Variants in ST3GAL1 observed in about 807,000 individuals in gnomAD.
The protein encoded by ST3GAL1 is ST3 beta-galactoside alpha-2,3-sialyltransferase 1, also known as CMP-N-acetylneuraminate-beta-galactosamide-alpha-2,3-sialyltransferase 1.
Under a neutral mutation model 34.1 loss-of-function variants are expected in ST3GAL1, and 16 were observed. The ratio of observed to expected loss-of-function variants is 0.47; its 90% CI spans 0.32 to 0.71. The LOEUF (loss-of-function observed/expected upper bound fraction) is 0.71, where lower values mean the gene tolerates loss of function less well. Among genes scored for constraint, ST3GAL1 ranks in the 30% least tolerant of loss-of-function variants. The pLI is 0.04. For missense variants in ST3GAL1, 353 were observed against 447.4 expected (o/e 0.79, Z 1.90); for synonymous variants, 191 against 184.7 (o/e 1.03, Z -0.28).
intron 3 of ST3GAL1, among the ~76,000 whole-genome samples, chr8:133,493,072 G>A (rs957487398): frequency 6.6e-6 from 1 of 152,188 alleles, no homozygotes; most frequent in Non-Finnish European, 1.5e-5. Context: ...CCACCAGGTA[G>A]GCATCCAACA....
chr8:133,506,802 A>G (rs1484128444), intron 2 of ST3GAL1, among the ~76,000 whole-genome samples: 2 of 151,284 alleles, frequency 1.3e-5, no homozygotes, highest in Admixed American at 1.3e-4. Context: ...AAGAAAAAAA[A>G]AGCTGGGCTG....
At chr8:133,462,323 C>G (rs1056923746) in intron 8 of ST3GAL1, among the ~76,000 whole-genome samples, 3 of 152,130 alleles carry the variant, frequency 2.0e-5, no homozygotes, top group Non-Finnish European at 4.4e-5. Flanking sequence ...GAGAAGGGGG[C>G]TCCAGGGAAC....
intron 5 of ST3GAL1, among the ~76,000 whole-genome samples, chr8:133,470,190 C>T (rs929858555): frequency 6.6e-6 from 1 of 152,164 alleles, no homozygotes; most frequent in Non-Finnish European, 1.5e-5. Context: ...GAGGCCAAGG[C>T]GGGTGGGTCA....
chr8:133,542,248 G>C (rs1344326385), intron 2 of ST3GAL1, among the ~76,000 whole-genome samples: 1 of 152,152 alleles, frequency 6.6e-6, no homozygotes, highest in Non-Finnish European at 1.5e-5. Context: ...AAAGGAACCA[G>C]GGCTCCTATG....
intron 1 of ST3GAL1, among the ~76,000 whole-genome samples, chr8:133,566,130 T>C (rs1010134413): frequency 2.0e-5 from 3 of 152,204 alleles, no homozygotes; most frequent in Admixed American, 1.3e-4. Context: ...CTGGTAACAG[T>C]GCTTTGGGTG....
chr8:133,563,939 C>A (rs574269718), intron 1 of ST3GAL1, among the ~76,000 whole-genome samples: 28 of 152,186 alleles, frequency 1.8e-4, no homozygotes, highest in Non-Finnish European at 3.5e-4. Flanking sequence ...AATGCTGTCC[C>A]ATCCTCACGA....
chr8:133,535,550 C>T (rs960926500), intron 2 of ST3GAL1, among the ~76,000 whole-genome samples: 43 of 132,962 alleles, frequency 3.2e-4, no homozygotes, highest in Admixed American at 2.2e-3. Flanking sequence ...AACAAGGTCT[C>T]GCTCTGTCAA....
intron 2 of ST3GAL1, among the ~76,000 whole-genome samples, chr8:133,544,683 A>G (rs573001657): frequency 1.3e-5 from 2 of 152,294 alleles, no homozygotes; most frequent in South Asian, 2.1e-4. Context: ...GCTCACATCC[A>G]TATCTACTTG....
rs1167900755 is a variant in ST3GAL1 at position 133,475,802 on chromosome 8, C to T, written c.223G>A (p.Asp75Asn). Residue 75 changes from aspartate (D) to asparagine (N), a missense_variant, in exon 5 of 10, where the codon GAT (aspartate) becomes AAT (asparagine). Coordinates refer to ENST00000522652, the MANE Select transcript of ST3GAL1 (RefSeq NM_173344.3). ...TGCATGGTCTGGTTGAACCTCTCAT[C>T]GAACCAGGCCGAGAGCTTGCGCTGC... ...IGQRKLSAWF[D>N]ERFNQTMQPL... is the part of the protein sequence containing the mutation. 2 of 1,613,940 alleles carry T rather than the reference C, an allele frequency of 1.2e-6. No homozygotes were observed. Among genetic ancestry groups the T allele is most frequent in the Admixed American group, 1.7e-5 (1 of 59,994 alleles).
chr8:133,515,167 A>G (rs532320742), intron 2 of ST3GAL1, among the ~76,000 whole-genome samples: 1 of 152,268 alleles, frequency 6.6e-6, no homozygotes, highest in South Asian at 2.1e-4. Context: ...CGAGGTCCTC[A>G]CTGCCATCTT....
intron 3 of ST3GAL1, among the ~76,000 whole-genome samples, chr8:133,492,166 G>A (rs545177973): frequency 6.6e-6 from 1 of 152,216 alleles, no homozygotes; most frequent in South Asian, 2.1e-4. Context: ...GAGAACAGAG[G>A]CCAGTTCTGA....
At chr8:133,533,737 G>A (rs1246360870) in intron 2 of ST3GAL1, among the ~76,000 whole-genome samples, 1 of 152,138 alleles carries the variant, frequency 6.6e-6, no homozygotes, top group Non-Finnish European at 1.5e-5. Flanking sequence ...TAATTTCACA[G>A]CAAAGTCACA....
chr8:133,540,820 T>TAGAC (rs1563734004), intron 2 of ST3GAL1, among the ~76,000 whole-genome samples: 1 of 106,170 alleles, frequency 9.4e-6, no homozygotes, highest in African/African-American at 3.1e-5. Flanking sequence ...GACATATATA[T>TAGAC]ATAGACATAT....
intron 6 of ST3GAL1, 50 bp downstream of exon 6, chr8:133,465,844 G>A: frequency 6.4e-7 from 1 of 1,571,190 alleles, no homozygotes; most frequent in Middle Eastern, 1.7e-4. Flanking sequence ...ACAGCTCCAA[G>A]GGGCCCCTGG....
At chr8:133,551,998 A>C (rs564284729) in intron 1 of ST3GAL1, among the ~76,000 whole-genome samples, 1 of 152,196 alleles carries the variant, frequency 6.6e-6, no homozygotes, top group African/African-American at 2.4e-5. Context: ...CTAATTCCTA[A>C]CTCTACTCTA....
At position 133,476,404 on chromosome 8, in the gene ST3GAL1, A is replaced by C. The variant is rs1816179332; in HGVS notation, c.-177T>G. ...AGATAAGGGGTCATTAATCTCTGTG[A>C]CAGTCCAGGGTCCCTCAGGAGCGAG... On this transcript the variant is annotated 5_prime_UTR_variant, in exon 4 of 10. Coordinates refer to ENST00000522652, the MANE Select transcript of ST3GAL1 (RefSeq NM_173344.3). The C allele has an allele frequency of 5.8e-6, 1 of 172,082 alleles. No homozygotes were observed. Among genetic ancestry groups the C allele is most frequent in the African/African-American group, 2.4e-5 (1 of 41,816 alleles). The allele number at this position is 172,082 out of a possible 1,614,324, so 10.7% of individuals were successfully genotyped here. A position where few individuals can be genotyped will look rare whatever the true frequency, so the allele number is the denominator to read the frequency against.
intron 2 of ST3GAL1, among the ~76,000 whole-genome samples, chr8:133,503,783 G>A (rs1004683715): frequency 3.9e-5 from 6 of 152,172 alleles, no homozygotes; most frequent in East Asian, 1.9e-4. Flanking sequence ...ATAACTGAAC[G>A]AGAGTGGAGA....
At position 133,458,781 on chromosome 8, in the gene ST3GAL1, C is replaced by T. The variant is rs1267742043; in HGVS notation, c.*983G>A. Reference sequence around the variant, plus strand: ...TGGAAGTGGTCAGATCCGCTCTCGCCACGATTAGAACCATGAGACTGACTA... The same window carrying T: ...TGGAAGTGGTCAGATCCGCTCTCGCTACGATTAGAACCATGAGACTGACTA... On this transcript the variant is annotated 3_prime_UTR_variant, in exon 10 of 10. Coordinates refer to ENST00000522652, the MANE Select transcript of ST3GAL1 (RefSeq NM_173344.3). 1 of 152,164 alleles carries T rather than the reference C, an allele frequency of 6.6e-6. No homozygotes were observed. Among genetic ancestry groups the T allele is most frequent in the Non-Finnish European group, 1.5e-5 (1 of 68,062 alleles). 9.4% of individuals were successfully genotyped at this position (152,164 alleles called of 1,614,324 possible).
intron 2 of ST3GAL1, among the ~76,000 whole-genome samples, chr8:133,521,692 C>A (rs902544750): frequency 6.6e-6 from 1 of 152,178 alleles, no homozygotes; most frequent in Non-Finnish European, 1.5e-5. Context: ...GTTAAAATAT[C>A]TGTTACAGGA....
Sources: allele counts gnomAD v4.1 joint callset (sites outside exome capture counted in the v4.1 genomes callset), GRCh38; gene constraint gnomAD v4.1.1; transcripts MANE v1.5; gene names NCBI Gene and HGNC (gene_info 2026-07-23, HGNC 2026-07-21).